Variants in UBAP1 observed in about 807,000 individuals in gnomAD.
UBAP1 encodes ubiquitin-associated protein 1.
Under a neutral mutation model 39.0 loss-of-function variants are expected in UBAP1, and 5 were observed. The ratio of observed to expected loss-of-function variants is 0.13; its 90% confidence interval spans 0.07 to 0.27. The LOEUF is 0.27. Ranked by LOEUF, UBAP1 falls within the 10% of genes least tolerant of loss-of-function variation. UBAP1 has a pLI of 1.00. For missense variants in UBAP1, 490 were observed against 608.1 expected, an observed-to-expected ratio of 0.81 and a Z score of 2.04; for synonymous variants, 211 against 225.1, an observed-to-expected ratio of 0.94 and a Z score of 0.56.
intron 1 of UBAP1, chr9:34,206,198 G>C (rs1351782770): frequency 6.6e-6 from 1 of 152,198 alleles, no homozygotes; most frequent in Non-Finnish European, 1.5e-5. Context: ...CTGCTTCTGA[G>C]ATCAGACAAG....
chr9:34,195,927 GTTTTTTTTTTTTTTTTTTTTT>G (rs57040252), intron 1 of UBAP1, among the ~76,000 whole-genome samples: 21 of 36,156 alleles, frequency 5.8e-4, no homozygotes, highest in African/African-American at 1.9e-3. Flanking sequence ...AAATTTTTTG[GTTTTTTTTTTTTTTTTTTTTT>G]TTTTTTTTTT....
intron 1 of UBAP1, among the ~76,000 whole-genome samples, chr9:34,219,365 TG>T (rs1213337352): frequency 1.3e-5 from 2 of 152,156 alleles, no homozygotes. Context: ...TGGGATTACA[TG>T]TGTAAGTCAC....
intron 6 of UBAP1, 95 bp downstream of exon 6, chr9:34,250,854 C>A: frequency 1.9e-6 from 2 of 1,035,606 alleles, no homozygotes; most frequent in Non-Finnish European, 3.0e-6. Flanking sequence ...AACCTTTTTG[C>A]TTTGCCAGTG....
At chr9:34,196,735 A>G (rs1431613835) in intron 1 of UBAP1, among the ~76,000 whole-genome samples, 1 of 151,960 alleles carries the variant, frequency 6.6e-6, no homozygotes, top group East Asian at 1.9e-4. Context: ...GTGAGCCACC[A>G]TGCCTAGCTT....
intron 1 of UBAP1, chr9:34,211,895 T>G (rs1227217212): frequency 4.1e-6 from 1 of 241,614 alleles, no homozygotes; most frequent in East Asian, 1.2e-4. Context: ...TACCGGGTTT[T>G]CTTCCTGTAG....
At chr9:34,228,943 C>T (rs1833261718) in intron 2 of UBAP1, among the ~76,000 whole-genome samples, 1 of 152,028 alleles carries the variant, frequency 6.6e-6, no homozygotes, top group East Asian at 1.9e-4. Flanking sequence ...CCAGTAATCA[C>T]TGAACTATTT....
chr9:34,205,600 G>C (rs1831639793), intron 1 of UBAP1, among the ~76,000 whole-genome samples: 1 of 152,174 alleles, frequency 6.6e-6, no homozygotes. Context: ...ATTAGACACT[G>C]TACTAGATGC....
chr9:34,187,804 C>T (rs1277685249), intron 1 of UBAP1, among the ~76,000 whole-genome samples: 1 of 147,988 alleles, frequency 6.8e-6, no homozygotes, highest in African/African-American at 2.5e-5. Flanking sequence ...ATGGAAACAT[C>T]TTAGAAGAAT....
intron 4 of UBAP1, among the ~76,000 whole-genome samples, chr9:34,248,779 C>G (rs1471207171): frequency 6.6e-6 from 1 of 152,170 alleles, no homozygotes; most frequent in East Asian, 1.9e-4. Context: ...GCTTCTAGGA[C>G]AGAGGGCTTC....
chr9:34,189,608 T>C (rs1465337406), intron 1 of UBAP1, among the ~76,000 whole-genome samples: 1 of 152,156 alleles, frequency 6.6e-6, no homozygotes, highest in Non-Finnish European at 1.5e-5. Context: ...AGGGGTAGTT[T>C]GTGAACTTTC....
chr9:34,188,427 T>A (rs986483900), intron 1 of UBAP1, among the ~76,000 whole-genome samples: 5 of 39,724 alleles, frequency 1.3e-4, no homozygotes, highest in Non-Finnish European at 1.9e-4. Context: ...CTTCAGCTTT[T>A]TTTTTTTTTT....
chr9:34,202,704 A>G (rs909834149), intron 1 of UBAP1, among the ~76,000 whole-genome samples: 10 of 126,588 alleles, frequency 7.9e-5, no homozygotes, highest in African/African-American at 3.2e-4. Context: ...TGTATGTATC[A>G]TAACACCATA....
At chr9:34,186,916 T>A (rs1014952958) in intron 1 of UBAP1, among the ~76,000 whole-genome samples, 1 of 152,148 alleles carries the variant, frequency 6.6e-6, no homozygotes, top group East Asian at 1.9e-4. Flanking sequence ...TTTTTATTTT[T>A]TATTTTTTGA....
chr9:34,181,844 T>C (rs997092930), intron 1 of UBAP1, among the ~76,000 whole-genome samples: 2 of 150,662 alleles, frequency 1.3e-5, no homozygotes, highest in Non-Finnish European at 2.9e-5. Context: ...AATCATGGCA[T>C]TTCTTCTGTG....
In UBAP1 at chr9:34,182,421, A is replaced by T. The variant is rs191575233; in HGVS notation, c.-8+3181A>T. On this transcript the variant is annotated intron_variant, in intron 1 of 6. Coordinates refer to ENST00000297661, the MANE Select transcript of UBAP1 (RefSeq NM_016525.5). ...GCTGGTCTTGAACTCCTGACCTCAA[A>T]TGACCTACCCGCCTCGGCCTCCCAA... Among the ~76,000 whole-genome samples the T allele has an allele frequency of 4.3e-3, 658 of 151,372 alleles. 2 individuals carry two copies. The highest frequency in any genetic ancestry group is 8.0e-3 in the Non-Finnish European group (543 of 67,864).
At chr9:34,204,387 A>G (rs1298930640) in intron 1 of UBAP1, among the ~76,000 whole-genome samples, 1 of 152,184 alleles carries the variant, frequency 6.6e-6, no homozygotes, top group African/African-American at 2.4e-5. Context: ...AAAAAACAAA[A>G]AAAGGGTGTG....
intron 1 of UBAP1, among the ~76,000 whole-genome samples, chr9:34,209,736 T>C (rs1831914304): frequency 6.6e-6 from 1 of 152,184 alleles, no homozygotes; most frequent in Non-Finnish European, 1.5e-5. Flanking sequence ...TCCAGCGCTC[T>C]GTTGAATTAC....
intron 2 of UBAP1, among the ~76,000 whole-genome samples, chr9:34,228,974 G>A (rs1747367347): frequency 6.6e-6 from 1 of 151,966 alleles, no homozygotes; most frequent in African/African-American, 2.4e-5. Context: ...TCTTAATAAA[G>A]CTTTTAAAGT....
chr9:34,180,307 G>A (rs113475553), intron 1 of UBAP1, among the ~76,000 whole-genome samples: 18,779 of 152,090 alleles, frequency 0.12, 1,514 homozygotes, highest in Non-Finnish European at 0.18. Context: ...ACGAGGTCAA[G>A]AGTTCAAGAC....
Sources: gnomAD v4.1 joint callset for allele counts (sites outside exome capture counted in the v4.1 genomes callset) on GRCh38, gnomAD v4.1.1 for gene constraint, MANE v1.5 for transcripts, NCBI Gene and HGNC (gene_info 2026-07-23, HGNC 2026-07-21) for gene names.